Variants in ZNF460 observed in about 807,000 individuals in gnomAD.
ZNF460 encodes zinc finger protein 460, also known as zinc finger protein 272.
ZNF460 carries 1 observed loss-of-function variant against 8.4 expected under a neutral mutation model. The observed-to-expected ratio is 0.12, with a 90% confidence interval of 0.04 to 0.56. The LOEUF is 0.56. Ranked by LOEUF, ZNF460 falls within the 20% of genes least tolerant of loss-of-function variation. ZNF460 has a pLI of 0.91. For synonymous variants in ZNF460, 262 were observed against 259.9 expected (o/e 1.01, Z -0.08); for missense variants, 477 against 714.8 (o/e 0.67, Z 3.79).
rs1284075949 is a variant in ZNF460, at chr19:57,280,512, G to T, written c.-295G>T. 3 of 498,830 alleles carry T rather than the reference G, an allele frequency of 6.0e-6. No homozygotes were observed. The highest frequency in any genetic ancestry group is 6.8e-5 in the Admixed American group (2 of 29,352). The allele number at this position is 498,830 out of a possible 1,614,324, so 30.9% of individuals were successfully genotyped here. A position where few individuals can be genotyped will look rare whatever the true frequency, so the allele number is the denominator to read the frequency against. On this transcript the variant is annotated 5_prime_UTR_variant, in exon 1 of 3. Transcript: ENST00000360338. ...AACAGTGTGGGGCCTAGAGCGCTGG[G>T]TGGGCGCGTTCTGCGGCCTGAGCAG...
At chr19:57,287,866 A>G (rs1300728055) in intron 2 of ZNF460, among the ~76,000 whole-genome samples, 2 of 152,074 alleles carry the variant, frequency 1.3e-5, no homozygotes, top group East Asian at 1.9e-4. Context: ...GCAGGTGCCT[A>G]TCATCTGAGC....
intron 2 of ZNF460, among the ~76,000 whole-genome samples, chr19:57,289,976 A>T (rs988373600): frequency 6.6e-6 from 1 of 151,956 alleles, no homozygotes; most frequent in Non-Finnish European, 1.5e-5. Context: ...CCTCATCTGT[A>T]AAAATACAAA....
chr19:57,281,181 G>T (rs1161055717), intron 1 of ZNF460, among the ~76,000 whole-genome samples: 1 of 152,126 alleles, frequency 6.6e-6, no homozygotes, highest in Non-Finnish European at 1.5e-5. Flanking sequence ...GCTCTTCAGA[G>T]CCACCAACCT....
Position 57,292,182 on chromosome 19 carries a change from C to T in ZNF460, c.1641C>T (p.Ser547=), listed in dbSNP as rs754144163. The change falls in exon 3 of 3, where the codon TCC becomes TCT. Residue 547 remains serine, a synonymous_variant. Transcript: ENST00000360338. ...CGCCTTCAATTGCCGCTCATTCCTC[C>T]TCACTCGACATCAACGGATTCATAG... ...METPSIAAHS[S]SLDINGFIVE... is the part of the protein sequence containing the mutation. 1.7e-5 allele frequency: 27 copies of T among 1,614,018 alleles called. No homozygotes were observed. The highest frequency in any genetic ancestry group is 1.5e-4 in the Admixed American group (9 of 60,004).
rs780944041 is a variant in ZNF460, at chr19:57,291,192, C to A, written c.651C>A (p.Ile217=). ...KSKHLLQHHI[I]HTGEKPYKCL... is the part of the protein sequence containing the mutation. ...AACACCTCCTTCAGCATCACATCATCCATACTGGGGAGAAGCCCTATAAAT... is the reference window on the plus strand; with the variant it reads ...AACACCTCCTTCAGCATCACATCATACATACTGGGGAGAAGCCCTATAAAT... The change falls in exon 3 of 3, where the codon ATC becomes ATA. Residue 217 remains isoleucine, a synonymous_variant. Transcript: ENST00000360338. The surrounding 1 kb of genome is among the most constrained non-coding windows in gnomAD (Gnocchi z 8.4). 2 of 1,614,080 alleles carry A rather than the reference C, an allele frequency of 1.2e-6. No individual in the cohort carries two copies. Among genetic ancestry groups the A allele is most frequent in the Non-Finnish European group, 1.7e-6 (2 of 1,180,056 alleles).
intron 2 of ZNF460, among the ~76,000 whole-genome samples, chr19:57,286,893 G>A (rs532031916): frequency 6.6e-6 from 1 of 151,542 alleles, no homozygotes; most frequent in East Asian, 1.9e-4. Context: ...GAACTCAGGA[G>A]GCAGAGGTTG....
In ZNF460 at chr19:57,292,160, C is replaced by T; in HGVS notation, c.1619C>T (p.Pro540Leu). ...GTGAGTGCAGTGAATATGGAAACGC[C>T]TTCAATTGCCGCTCATTCCTCCTCA... ...SPVSAVNMET[P>L]SIAAHSSSLD... The change falls in exon 3 of 3, where the codon CCT becomes CTT. Residue 540 changes from proline to leucine, a missense_variant. By Grantham distance (98) the Pro-to-Leu change is moderately conservative. Around this residue, in one of 5 missense-constraint regions of ZNF460, gnomAD observed 83 missense variants for 82.3 expected, o/e 1.01. Transcript: ENST00000360338. 1 of 1,614,168 alleles carries T rather than the reference C, an allele frequency of 6.2e-7. No homozygotes were observed. Among genetic ancestry groups the T allele is most frequent in the South Asian group, 1.1e-5 (1 of 91,080 alleles).
upstream of ZNF460, chr19:57,280,124 G>A (rs1335425593): frequency 6.6e-6 from 1 of 152,362 alleles, no homozygotes; most frequent in African/African-American, 2.4e-5. Context: ...CCCACAGCAG[G>A]GTAAGCACCT....
chr19:57,286,897 G>A (rs1316769030), intron 2 of ZNF460, among the ~76,000 whole-genome samples: 1 of 150,596 alleles, frequency 6.6e-6, no homozygotes, highest in Non-Finnish European at 1.5e-5. Flanking sequence ...TCAGGAGGCA[G>A]AGGTTGCAGT....
In ZNF460 at chr19:57,292,507, G is replaced by T; in HGVS notation, c.*277G>T. On this transcript the variant is annotated 3_prime_UTR_variant, in exon 3 of 3. Transcript: ENST00000360338. ...ATTCACCCATGAAAGAGACCCAGTG[G>T]TTACTGTGCACTTAGGAAAACCTTC... The T allele has an allele frequency of 2.8e-6, 1 of 354,386 alleles. No homozygotes were observed. Among genetic ancestry groups the T allele is most frequent in the Non-Finnish European group, 5.2e-6 (1 of 193,614 alleles). The allele number at this position is 354,386 out of a possible 1,614,324, so 22.0% of individuals were successfully genotyped here.
intron 1 of ZNF460, among the ~76,000 whole-genome samples, chr19:57,283,028 T>C (rs975837693): frequency 1.6e-4 from 24 of 150,710 alleles, no homozygotes; most frequent in African/African-American, 5.8e-4. Flanking sequence ...CATGAGACTT[T>C]GGGTAGACTG....
At chr19:57,283,502 CTTTTTT>C (rs926242067) in intron 1 of ZNF460, among the ~76,000 whole-genome samples, 5 of 68,548 alleles carry the variant, frequency 7.3e-5, no homozygotes, top group South Asian at 6.2e-4. Context: ...TTTGACTATT[CTTTTTT>C]TTTTTTTTTT....
intron 1 of ZNF460, among the ~76,000 whole-genome samples, chr19:57,283,499 A>ATTTT (rs2087855765): frequency 6.1e-5 from 5 of 82,502 alleles, no homozygotes; most frequent in African/African-American, 2.1e-4. Flanking sequence ...TCTTTTGACT[A>ATTTT]TTCTTTTTTT....
chr19:57,286,300 G>A (rs575562923), intron 2 of ZNF460, among the ~76,000 whole-genome samples: 14 of 152,084 alleles, frequency 9.2e-5, no homozygotes, highest in Middle Eastern at 6.8e-3. Flanking sequence ...ATCTACTGTG[G>A]TGGTCTGCGA....
rs532687232 is a variant in ZNF460 at position 57,292,283 on chromosome 19, A to G, written c.*53A>G. The G allele has an allele frequency of 1.0e-4, 157 of 1,519,086 alleles. 1 individual carries two copies. In the African/African-American group the frequency reaches 2.0e-3, roughly 20 times the overall value. 94.1% of individuals were successfully genotyped at this position (1,519,086 alleles called of 1,614,324 possible). On this transcript the variant is annotated 3_prime_UTR_variant, in exon 3 of 3. Transcript: ENST00000360338. ...CTTCAGTCAACATCCAAGAATTCCTATTAGCGAAATAGTTTTTTAATATAA... is the reference window on the plus strand; with the variant it reads ...CTTCAGTCAACATCCAAGAATTCCTGTTAGCGAAATAGTTTTTTAATATAA...
intron 1 of ZNF460, 142 bp downstream of exon 1, chr19:57,280,978 T>A: frequency 2.4e-6 from 3 of 1,248,784 alleles, no homozygotes; most frequent in Non-Finnish European, 3.4e-6. Context: ...TGTCATTTCC[T>A]TTATCCGCAG....
rs1269266583 is a variant in ZNF460, at chr19:57,289,091, A to G, written c.158-1608A>G. On this transcript the variant is annotated intron_variant, in intron 2 of 2. Coordinates refer to ENST00000360338, the MANE Select transcript of ZNF460 (RefSeq NM_006635.4). ...GTTTTTAGAGAATTGATAATTTTAT[A>G]TTATCAATTTCTTCATTCAGTTAGA... is the stretch of plus-strand genomic sequence containing the variant. Among the ~76,000 whole-genome samples the G allele has an allele frequency of 2.6e-5, 4 of 151,950 alleles. No homozygotes were observed. In the East Asian group the frequency reaches 7.7e-4, roughly 29 times the overall value.
chr19:57,290,467 G>C (rs906612367), intron 2 of ZNF460, among the ~76,000 whole-genome samples: 4 of 151,914 alleles, frequency 2.6e-5, no homozygotes, highest in African/African-American at 9.7e-5. Context: ...TAGTAGATAT[G>C]GGGTTTCACC....
intron 2 of ZNF460, among the ~76,000 whole-genome samples, chr19:57,286,474 C>A (rs1329717141): frequency 1.3e-5 from 2 of 152,074 alleles, no homozygotes; most frequent in African/African-American, 2.4e-5. Context: ...TGAGATACAA[C>A]AATAATGCAG....
Sources: gnomAD v4.1 joint callset for allele counts (sites outside exome capture counted in the v4.1 genomes callset) on GRCh38, gnomAD v4.1.1 for gene constraint, gnomAD v4.1.1 regional missense constraint, Gnocchi (gnomAD v3.1) non-coding constraint, MANE v1.5 for transcripts, NCBI Gene and HGNC (gene_info 2026-07-23, HGNC 2026-07-21) for gene names.